Variants in BICC1 observed in about 807,000 individuals in gnomAD.
BICC1 encodes BicC family RNA binding protein 1, also known as protein bicaudal C homolog 1.
In BICC1, 43 loss-of-function variants were observed where a neutral mutation model predicts 111.0. The observed-to-expected ratio is 0.39, with a 90% CI of 0.30 to 0.50. The LOEUF is 0.50. BICC1 is among the 20% of genes least tolerant of loss of function. BICC1 has a pLI of 0.88. For missense variants in BICC1, 1,091 were observed against 1,203.2 expected (o/e 0.91, Z 1.38); for synonymous variants, 467 against 434.4 (o/e 1.07, Z -0.93).
chr10:58,554,395 G>A (rs1843383942), intron 1 of BICC1, among the ~76,000 whole-genome samples: 1 of 152,098 alleles, frequency 6.6e-6, no homozygotes, highest in South Asian at 2.1e-4. Flanking sequence ...TTTTAAAATT[G>A]AACTTTAGTC....
At chr10:58,744,172 T>C (rs371650429) in intron 3 of BICC1, among the ~76,000 whole-genome samples, 3 of 152,286 alleles carry the variant, frequency 2.0e-5, no homozygotes, top group East Asian at 1.9e-4. Context: ...TATTCTTAAA[T>C]TGATGTTTTG....
chr10:58,626,306 T>C (rs972694929), intron 2 of BICC1, among the ~76,000 whole-genome samples: 3 of 152,170 alleles, frequency 2.0e-5, no homozygotes, highest in African/African-American at 7.2e-5. Flanking sequence ...ACTATACTAT[T>C]GCCCTGAGAA....
intron 3 of BICC1, among the ~76,000 whole-genome samples, chr10:58,751,602 G>A (rs1176842342): frequency 6.6e-6 from 1 of 152,074 alleles, no homozygotes; most frequent in Non-Finnish European, 1.5e-5. Flanking sequence ...TCACTGTTAA[G>A]CAGATAATAT....
intron 1 of BICC1, among the ~76,000 whole-genome samples, chr10:58,614,152 G>T (rs1845526078): frequency 6.6e-6 from 1 of 152,112 alleles, no homozygotes; most frequent in Admixed American, 6.5e-5. Flanking sequence ...CGTGTTTGGG[G>T]GAAGAGAAGA....
At chr10:58,790,880 TG>T (rs1312600962) in intron 8 of BICC1, among the ~76,000 whole-genome samples, 1 of 152,212 alleles carries the variant, frequency 6.6e-6, no homozygotes, top group Non-Finnish European at 1.5e-5. Flanking sequence ...TGGATGGACA[TG>T]ATGCTGGGCT....
chr10:58,678,645 A>G (rs898276049), intron 2 of BICC1, among the ~76,000 whole-genome samples: 1 of 152,198 alleles, frequency 6.6e-6, no homozygotes, highest in Non-Finnish European at 1.5e-5. Flanking sequence ...AAAATTAACA[A>G]GGATATTCAG....
chr10:58,706,654 A>T lies in BICC1; in HGVS notation c.307+4511A>T, dbSNP rs567361686. The stretch of plus-strand genomic sequence containing the variant: ...GGTTTCCTTCCACGCTGTTCTCATG[A>T]TAGTGAATGAGTTCTCACAAGATCT... On this transcript the variant is annotated intron_variant, in intron 3 of 20. Transcript: ENST00000373886. 6.6e-5 allele frequency among the ~76,000 whole-genome samples: 10 copies of T among 152,276 alleles called. No individual in the cohort carries two copies. The South Asian group carries it at 2.1e-3, about 32-fold the overall frequency.
chr10:58,625,368 G>A (rs1165413650), intron 2 of BICC1, among the ~76,000 whole-genome samples: 1 of 152,168 alleles, frequency 6.6e-6, no homozygotes, highest in Non-Finnish European at 1.5e-5. Context: ...TATTACACAT[G>A]TGACTCATCA....
chr10:58,594,754 C>A (rs530039525), intron 1 of BICC1, among the ~76,000 whole-genome samples: 5 of 152,216 alleles, frequency 3.3e-5, no homozygotes, highest in African/African-American at 1.2e-4. Context: ...ACAACTGGTA[C>A]CAGCCACTGC....
intron 1 of BICC1, among the ~76,000 whole-genome samples, chr10:58,606,767 A>G (rs1234050221): frequency 6.6e-6 from 1 of 152,154 alleles, no homozygotes; most frequent in Admixed American, 6.5e-5. Flanking sequence ...TCTTTCAGTT[A>G]CAAATTGAAT....
chr10:58,600,821 T>A (rs1053964270), intron 1 of BICC1, among the ~76,000 whole-genome samples: 36 of 152,110 alleles, frequency 2.4e-4, no homozygotes, highest in African/African-American at 8.4e-4. Context: ...TCTAGCTTAC[T>A]GTATTTTAAT....
chr10:58,698,991 C>T (rs1012100303), intron 2 of BICC1, among the ~76,000 whole-genome samples: 1 of 152,188 alleles, frequency 6.6e-6, no homozygotes, highest in East Asian at 1.9e-4. Flanking sequence ...CTGTGTGGGG[C>T]CAGCAGCTTC....
chr10:58,656,674 G>T (rs1299852825), intron 2 of BICC1, among the ~76,000 whole-genome samples: 2 of 152,098 alleles, frequency 1.3e-5, no homozygotes, highest in Non-Finnish European at 2.9e-5. Flanking sequence ...TTCTTTCTTT[G>T]TCCCAGCTTG....
chr10:58,747,905 A>G (rs765529416), intron 3 of BICC1, among the ~76,000 whole-genome samples: 5 of 152,148 alleles, frequency 3.3e-5, no homozygotes, highest in Admixed American at 2.0e-4. Context: ...CATCATTTAC[A>G]TATGGTCTTT....
chr10:58,546,379 G>A (rs1236838054), intron 1 of BICC1, among the ~76,000 whole-genome samples: 1 of 152,190 alleles, frequency 6.6e-6, no homozygotes, highest in Non-Finnish European at 1.5e-5. Flanking sequence ...GCCAGATGTG[G>A]CCAAATCTTC....
At chr10:58,618,937 C>T (rs1347556871) in intron 1 of BICC1, among the ~76,000 whole-genome samples, 1 of 152,158 alleles carries the variant, frequency 6.6e-6, no homozygotes, top group Non-Finnish European at 1.5e-5. Context: ...CACCTACATT[C>T]CTTGGCTCAT....
intron 3 of BICC1, among the ~76,000 whole-genome samples, chr10:58,728,745 T>C (rs2393489): frequency 0.96 from 145,716 of 152,198 alleles, 70,122 homozygotes; most frequent in Middle Eastern, 1. Context: ...TAATTACTCC[T>C]CTATCCATGG....
chr10:58,641,575 A>G (rs1451057201), intron 2 of BICC1, among the ~76,000 whole-genome samples: 2 of 151,914 alleles, frequency 1.3e-5, no homozygotes, highest in Non-Finnish European at 2.9e-5. Flanking sequence ...ACCCTTGGCT[A>G]TTCGAGTATT....
At position 58,786,934 on chromosome 10, in the gene BICC1, C is replaced by G; in HGVS notation, c.399C>G (p.Val133=). 2 of 1,582,064 alleles carry G rather than the reference C, an allele frequency of 1.3e-6. No individual in the cohort carries two copies. Among genetic ancestry groups the G allele is most frequent in the Non-Finnish European group, 1.7e-6 (2 of 1,169,064 alleles). Reference sequence around the variant, plus strand: ...TTATTTTCACATAGAGCAATCGAGTCACACTGAAGATGGATGTTTCACATA... The same window carrying G: ...TTATTTTCACATAGAGCAATCGAGTGACACTGAAGATGGATGTTTCACATA... ...MSVLDTKSNR[V]TLKMDVSHTE... The change falls in exon 5 of 21, where the codon GTC becomes GTG. Residue 133 remains valine (V), a synonymous_variant. Transcript: ENST00000373886.
Sources: allele counts gnomAD v4.1 joint callset (sites outside exome capture counted in the v4.1 genomes callset), GRCh38; gene constraint gnomAD v4.1.1; transcripts MANE v1.5; gene names NCBI Gene and HGNC (gene_info 2026-07-23, HGNC 2026-07-21).